Variants in BORA observed in about 807,000 individuals in gnomAD.
The protein encoded by BORA is protein aurora borealis.
Under a neutral mutation model 55.8 loss-of-function variants are expected in BORA, and 26 were observed. The ratio of observed to expected loss-of-function variants is 0.47; its 90% confidence interval spans 0.34 to 0.65. The LOEUF is 0.65. BORA is among the 30% of genes least tolerant of loss of function. The pLI, the probability that BORA is intolerant of heterozygous loss-of-function variation, is 0.01. For synonymous variants in BORA, 201 were observed against 216.9 expected (o/e 0.93, Z 0.64); for missense variants, 568 against 671.5 (o/e 0.85, Z 1.70).
chr13:72,729,960 CTT>C (rs777576799), intron 2 of BORA, among the ~76,000 whole-genome samples: 6 of 142,210 alleles, frequency 4.2e-5, no homozygotes, highest in Non-Finnish European at 6.2e-5. Context: ...ATCACTTTAT[CTT>C]TTTTTTTTTT....
intron 2 of BORA, 66 bp downstream of exon 2, chr13:72,729,159 T>A: frequency 7.8e-7 from 1 of 1,276,530 alleles, no homozygotes; most frequent in Non-Finnish European, 1.1e-6. Context: ...TAATTTTAAA[T>A]GTAAACATCT....
intron 9 of BORA, among the ~76,000 whole-genome samples, 190 bp downstream of exon 9, chr13:72,746,266 G>A (rs931239848): frequency 1.3e-5 from 2 of 152,182 alleles, no homozygotes; most frequent in Non-Finnish European, 2.9e-5. Flanking sequence ...AGTTTGTACT[G>A]TAGTGTTAAA....
At position 72,753,773 on chromosome 13, in the gene BORA, T is replaced by G. The variant is rs778613801; in HGVS notation, c.1566T>G (p.Asp522Glu). The G allele has an allele frequency of 3.7e-6, 6 of 1,613,552 alleles. No homozygotes were observed. The highest frequency in any genetic ancestry group is 1.1e-5 in the South Asian group (1 of 91,060). ...CAGAAAGTTACTGCAAAGAAAGTGA[T>G]GCACAAACATGTGAAGTTGAGAGTA... is the stretch of plus-strand genomic sequence containing the variant. Reference protein sequence around the residue: ...VGAESYCKESDAQTCEVESKS... With the variant: ...VGAESYCKESEAQTCEVESKS... Residue 522 changes from aspartate to glutamate, a missense_variant, in exon 11 of 12, where the codon GAT becomes GAG. Transcript: ENST00000390667.
In BORA at chr13:72,745,149, T is replaced by A; in HGVS notation, c.680T>A (p.Phe227Tyr). 1 of 1,614,146 alleles carries A rather than the reference T, an allele frequency of 6.2e-7. No homozygotes were observed. Among genetic ancestry groups the A allele is most frequent in the Non-Finnish European group, 8.5e-7 (1 of 1,179,976 alleles). Residue 227 changes from phenylalanine (F) to tyrosine (Y), a missense_variant, in exon 8 of 12, where the codon TTT (phenylalanine) becomes TAT (tyrosine). Phe to Tyr is a conservative substitution (Grantham distance 22). Transcript: ENST00000390667. ...HSGVQTSLEM[F>Y]YSIDLSPVKC... ...GGTGTTCAAACATCACTAGAGATGTTTTATTCAATAGATTTGTCTCCTGTA... is the reference window on the plus strand; with the variant it reads ...GGTGTTCAAACATCACTAGAGATGTATTATTCAATAGATTTGTCTCCTGTA...
intron 5 of BORA, among the ~76,000 whole-genome samples, chr13:72,742,057 T>C (rs761638302): frequency 5.3e-4 from 80 of 152,310 alleles, no homozygotes; most frequent in Admixed American, 2.7e-3. Context: ...ATCTGCCTTA[T>C]AGAAGGTCAC....
chr13:72,734,781 C>G (rs138478354), intron 3 of BORA, among the ~76,000 whole-genome samples, 179 bp from the exon 4 acceptor site: 2 of 152,240 alleles, frequency 1.3e-5, no homozygotes, highest in East Asian at 3.9e-4. Context: ...TGCTGAATTT[C>G]AGAATACTGC....
rs532247352 is a variant in BORA, at chr13:72,729,053, C to T, written c.113C>T (p.Thr38Ile). ...GATTATTCTAATCTCCATGAACAAACTCTCGCCAGTCCTTCTGTTTTTAAA... is the reference window on the plus strand; with the variant it reads ...GATTATTCTAATCTCCATGAACAAATTCTCGCCAGTCCTTCTGTTTTTAAA... ...PSDYSNLHEQ[T>I]LASPSVFKST... Residue 38 changes from threonine (T) to isoleucine (I), a missense_variant, in exon 2 of 12, where the codon ACT (threonine) becomes ATT (isoleucine). Thr to Ile is a moderately conservative substitution (Grantham distance 89, BLOSUM62 -1). Coordinates refer to ENST00000390667, the MANE Select transcript of BORA (RefSeq NM_024808.5). The T allele has an allele frequency of 1.3e-6, 2 of 1,592,554 alleles. No homozygotes were observed. Among genetic ancestry groups the T allele is most frequent in the Non-Finnish European group, 1.7e-6 (2 of 1,172,976 alleles).
chr13:72,749,015 C>T (rs897460535), intron 10 of BORA, among the ~76,000 whole-genome samples: 1 of 152,112 alleles, frequency 6.6e-6, no homozygotes, highest in African/African-American at 2.4e-5. Flanking sequence ...CTCAGTTTTA[C>T]TCTCTGGGCC....
intron 7 of BORA, 51 bp from the exon 8 acceptor site, chr13:72,744,930 A>AT: frequency 2.0e-6 from 3 of 1,529,070 alleles, no homozygotes; most frequent in Non-Finnish European, 1.8e-6. Context: ...CAGAAGTATA[A>AT]TTGCCCTTTA....
rs1192023665 is a variant in BORA at position 72,745,925 on chromosome 13, C to A, written c.739-19C>A. On this transcript the variant is annotated intron_variant, in intron 8 of 11. Coordinates refer to ENST00000390667, the MANE Select transcript of BORA (RefSeq NM_024808.5). ...GAAGAGAACCATATACATTTATTTACTATTTAATTTTATTACAGGGGCAGT... is the reference window on the plus strand; with the variant it reads ...GAAGAGAACCATATACATTTATTTAATATTTAATTTTATTACAGGGGCAGT... 1 of 1,593,014 alleles carries A rather than the reference C, an allele frequency of 6.3e-7. No individual in the cohort carries two copies. The highest frequency in any genetic ancestry group is 2.2e-5 in the East Asian group (1 of 44,626).
In BORA at chr13:72,728,047, C is replaced by T. The variant is rs575276661; in HGVS notation, c.-16+40C>T. On this transcript the variant is annotated intron_variant, in intron 1 of 11. Coordinates refer to ENST00000390667, the MANE Select transcript of BORA (RefSeq NM_024808.5). ...TGTGGTCCCTGGCCTTTCCTCCTGT[C>T]TGAATGGAGAGGTTTCTTTTCCCAG... 4 of 1,550,290 alleles carry T rather than the reference C, an allele frequency of 2.6e-6. No homozygotes were observed. The Admixed American group carries it at 5.9e-5, about 23-fold the overall frequency.
At chr13:72,753,539 G>T in intron 10 of BORA, 151 bp from the exon 11 acceptor site, 2 of 724,046 alleles carry the variant, frequency 2.8e-6, no homozygotes, top group Non-Finnish European at 2.2e-6. Flanking sequence ...TTTTATATTT[G>T]TGCATTACTT....
rs1186522472 is a variant in BORA at position 72,734,907 on chromosome 13, T to C, written c.261-53T>C. The C allele has an allele frequency of 8.4e-6, 11 of 1,317,274 alleles. No homozygotes were observed. In the African/African-American group the frequency reaches 1.5e-4, roughly 18 times the overall value. The allele number at this position is 1,317,274 out of a possible 1,614,324, so 81.6% of individuals were successfully genotyped here. A position where few individuals can be genotyped will look rare whatever the true frequency, so the allele number is the denominator to read the frequency against. ...ATTTGAAAGGTTATTTTTTAAAATGTTCAATAAGCTTAAGTAATAGCATGG... is the reference window on the plus strand; with the variant it reads ...ATTTGAAAGGTTATTTTTTAAAATGCTCAATAAGCTTAAGTAATAGCATGG... On this transcript the variant is annotated intron_variant, in intron 3 of 11. Coordinates refer to ENST00000390667, the MANE Select transcript of BORA (RefSeq NM_024808.5).
At chr13:72,747,219 TATTATATAATATTTTTTAAA>T in intron 10 of BORA, 108 bp downstream of exon 10, 3 of 1,123,830 alleles carry the variant, frequency 2.7e-6, no homozygotes, top group Non-Finnish European at 3.6e-6. Flanking sequence ...AGGACTACAG[TATTATATAATATTTTTTAAA>T]AATATTAATA....
chr13:72,735,645 T>C (rs963590694), intron 4 of BORA, among the ~76,000 whole-genome samples: 3 of 152,172 alleles, frequency 2.0e-5, no homozygotes, highest in Non-Finnish European at 4.4e-5. Context: ...GTTTCGTTCT[T>C]GTTGCCCAGG....
Position 72,755,168 on chromosome 13 carries a change from G to A in BORA, c.1632G>A (p.Gln544=), listed in dbSNP as rs1289350527. The A allele has an allele frequency of 1.2e-6, 2 of 1,613,786 alleles. No homozygotes were observed. Among genetic ancestry groups the A allele is most frequent in the Admixed American group, 3.3e-5 (2 of 60,022 alleles). The change falls in exon 12 of 12, where the codon CAG becomes CAA. Residue 544 remains glutamine (Q), a synonymous_variant. Transcript: ENST00000390667. ...TTTCACAGCAAGACCACACAACACA[G>A]AGGTGTTGGATGAAAACAGCAAGCC... The part of the protein sequence containing the change: ...AFNMKQDHTT[Q]RCWMKTASPF...
intron 5 of BORA, among the ~76,000 whole-genome samples, chr13:72,739,861 A>T (rs2138064621): frequency 6.6e-6 from 1 of 152,224 alleles, no homozygotes; most frequent in South Asian, 2.1e-4. Context: ...AGAGAAAGGG[A>T]CCCATGGGCC....
intron 2 of BORA, among the ~76,000 whole-genome samples, chr13:72,730,902 A>C (rs1315785358): frequency 1.7e-4 from 20 of 121,014 alleles, no homozygotes; most frequent in African/African-American, 5.4e-4. Flanking sequence ...AAAAAAAAAA[A>C]AAAAAAAATA....
intron 1 of BORA, among the ~76,000 whole-genome samples, chr13:72,728,593 A>T (rs972767949): frequency 6.6e-6 from 1 of 152,198 alleles, no homozygotes; most frequent in Non-Finnish European, 1.5e-5. Flanking sequence ...TTGAGAAGAG[A>T]TCTGGGCCTG....
Sources: gnomAD v4.1 joint callset for allele counts (sites outside exome capture counted in the v4.1 genomes callset) on GRCh38, gnomAD v4.1.1 for gene constraint, MANE v1.5 for transcripts, NCBI Gene and HGNC (gene_info 2026-07-23, HGNC 2026-07-21) for gene names.